Variants in RANBP17 observed in about 807,000 individuals in gnomAD.
RANBP17 encodes RAN binding protein 17, also known as ran-binding protein 17.
A neutral mutation model predicts 141.2 loss-of-function variants in RANBP17; 158 were observed. That is an observed-to-expected ratio of 1.12 (90% CI 0.98 to 1.28). RANBP17 has a LOEUF of 1.28. Ranked by LOEUF, RANBP17 falls within the 50% of genes most tolerant of loss-of-function variation. RANBP17 has a pLI of 0.00. For missense variants in RANBP17, 1,438 were observed against 1,290.7 expected, an observed-to-expected ratio of 1.11 and a Z score of -1.75; for synonymous variants, 430 against 450.0, an observed-to-expected ratio of 0.96 and a Z score of 0.56.
At chr5:171,046,473 G>T (rs1217728965) in intron 14 of RANBP17, among the ~76,000 whole-genome samples, 1 of 152,020 alleles carries the variant, frequency 6.6e-6, no homozygotes, top group Non-Finnish European at 1.5e-5. Flanking sequence ...CTCCCAAAGT[G>T]CTGGGATTAC....
chr5:171,134,823 G>A (rs1009043870), intron 14 of RANBP17, among the ~76,000 whole-genome samples: 2 of 152,134 alleles, frequency 1.3e-5, no homozygotes, highest in African/African-American at 4.8e-5. Context: ...AGGGGAGGCT[G>A]AGGCTGGAGA....
chr5:170,904,202 C>A, intron 5 of RANBP17: 1 of 281,824 alleles, frequency 3.5e-6, no homozygotes, highest in South Asian at 5.1e-5. Context: ...TCCTGTGGAC[C>A]ATTTTTATTC....
chr5:170,994,954 T>C (rs1242534168), intron 14 of RANBP17, among the ~76,000 whole-genome samples: 1 of 152,084 alleles, frequency 6.6e-6, no homozygotes, highest in East Asian at 1.9e-4. Flanking sequence ...TAAATGTTGA[T>C]AATATTTAGA....
At chr5:171,044,490 A>G (rs1561586782) in intron 14 of RANBP17, among the ~76,000 whole-genome samples, 2 of 152,002 alleles carry the variant, frequency 1.3e-5, no homozygotes, top group East Asian at 3.9e-4. Context: ...TAAATTTTGT[A>G]GAGAATTTTA....
At chr5:171,184,342 G>A (rs531659729) in intron 18 of RANBP17, among the ~76,000 whole-genome samples, 1 of 152,350 alleles carries the variant, frequency 6.6e-6, no homozygotes, top group East Asian at 1.9e-4. Context: ...CAGTGTGGAT[G>A]AACCTGGAGG....
chr5:171,094,460 C>CATT (rs1181954834), intron 14 of RANBP17, among the ~76,000 whole-genome samples: 2 of 152,138 alleles, frequency 1.3e-5, no homozygotes, highest in African/African-American at 4.8e-5. Context: ...TAATTTTTCT[C>CATT]ATTATTATCA....
intron 22 of RANBP17, among the ~76,000 whole-genome samples, chr5:171,230,248 C>T (rs1561783849): frequency 6.6e-6 from 1 of 151,804 alleles, no homozygotes; most frequent in African/African-American, 2.4e-5. Context: ...TTAGAGAAGG[C>T]AATATTTCTT....
At chr5:171,041,054 A>T (rs1195484222) in intron 14 of RANBP17, among the ~76,000 whole-genome samples, 2 of 152,050 alleles carry the variant, frequency 1.3e-5, no homozygotes, top group Non-Finnish European at 2.9e-5. Context: ...CGTAACTGTT[A>T]ACAGAAGGCC....
chr5:170,928,524 A>C (rs1276270945), intron 12 of RANBP17, among the ~76,000 whole-genome samples: 1 of 152,046 alleles, frequency 6.6e-6, no homozygotes, highest in African/African-American at 2.4e-5. Flanking sequence ...TTGTGAGTTA[A>C]GGGTCAAGGC....
chr5:170,903,941 A>G (rs557131036), intron 5 of RANBP17: 3 of 524,050 alleles, frequency 5.7e-6, no homozygotes, highest in Non-Finnish European at 1.1e-5. Flanking sequence ...ATCTTGTATC[A>G]AGCCTAACAC....
chr5:171,265,814 T>C lies in RANBP17; in HGVS notation c.2910T>C (p.His970=), dbSNP rs139687157. ...EATQAGQRLL[H]FMQQNPDVLQ... ...CCCAGGCTGGTCAGAGACTATTACA[T>C]TTTATGCAGCAAAACCCAGATGTCC... Residue 970 remains histidine, a synonymous_variant, in exon 25 of 28, where the codon CAT becomes CAC. Transcript: ENST00000523189. The C allele has an allele frequency of 1.9e-6, 3 of 1,613,648 alleles. No homozygotes were observed. The African/African-American group carries it at 4.0e-5, about 22-fold the overall frequency.
chr5:170,885,199 CTT>C (rs1392324535), intron 3 of RANBP17, among the ~76,000 whole-genome samples: 2 of 152,150 alleles, frequency 1.3e-5, no homozygotes, highest in Non-Finnish European at 2.9e-5. Context: ...ATGTCTATGA[CTT>C]TTACTCGAAG....
intron 14 of RANBP17, among the ~76,000 whole-genome samples, chr5:171,044,393 T>G (rs1782439664): frequency 6.6e-6 from 1 of 152,016 alleles, no homozygotes; most frequent in Non-Finnish European, 1.5e-5. Context: ...ATTTTTTATG[T>G]TGGAAACTTA....
intron 9 of RANBP17, among the ~76,000 whole-genome samples, chr5:170,916,983 T>G (rs1772030918): frequency 6.6e-6 from 1 of 152,310 alleles, no homozygotes; most frequent in Non-Finnish European, 1.5e-5. Flanking sequence ...CCCAAAGTGC[T>G]GGGATTACAG....
chr5:170,940,676 T>C (rs1224002688), intron 12 of RANBP17, among the ~76,000 whole-genome samples: 2 of 152,156 alleles, frequency 1.3e-5, no homozygotes, highest in Non-Finnish European at 2.9e-5. Flanking sequence ...CACTTCTTAA[T>C]TGTTGGCATA....
chr5:170,972,204 G>T (rs1777039130), intron 14 of RANBP17, among the ~76,000 whole-genome samples: 2 of 140,738 alleles, frequency 1.4e-5, no homozygotes, highest in Non-Finnish European at 1.5e-5. Flanking sequence ...TTTTTGAGGT[G>T]GAGTTTCGCT....
At chr5:171,233,244 ATAAGGGGGCATC>A (rs772723545) in intron 22 of RANBP17, among the ~76,000 whole-genome samples, 11 of 152,304 alleles carry the variant, frequency 7.2e-5, no homozygotes, top group South Asian at 2.1e-4. Context: ...ATAGATTAGG[ATAAGGGGGCATC>A]TAAGTCCCAG....
At position 170,909,680 on chromosome 5, in the gene RANBP17, C is replaced by T; in HGVS notation, c.509C>T (p.Ser170Leu). 2 of 1,566,478 alleles carry T rather than the reference C, an allele frequency of 1.3e-6. No individual in the cohort carries two copies. Among genetic ancestry groups the T allele is most frequent in the Non-Finnish European group, 1.7e-6 (2 of 1,146,936 alleles). ...EMNLVDYSRPSAKHRKIATSF... is the reference protein window; with the variant it reads ...EMNLVDYSRPLAKHRKIATSF... ...TTTTAGGTTGATTATTCTAGACCTTCAGCAAAACACAGGAAAATAGCTACC... is the reference window on the plus strand; with the variant it reads ...TTTTAGGTTGATTATTCTAGACCTTTAGCAAAACACAGGAAAATAGCTACC... Residue 170 changes from serine (S) to leucine (L), a missense_variant, in exon 6 of 28, where the codon TCA (serine) becomes TTA (leucine). Coordinates refer to ENST00000523189, the MANE Select transcript of RANBP17 (RefSeq NM_022897.5).
In RANBP17 at chr5:170,996,203, G is replaced by T. The variant is rs1778806227; in HGVS notation, c.1710+27826G>T. ...AGTCTGAGAAAGAGAATGCTTGAGG[G>T]ACCCTCTCCTTCCTCACGGTTATTA... is the stretch of plus-strand genomic sequence containing the variant. On this transcript the variant is annotated intron_variant, in intron 14 of 27. Coordinates refer to ENST00000523189, the MANE Select transcript of RANBP17 (RefSeq NM_022897.5). Among the ~76,000 whole-genome samples, 4 of 152,264 alleles carry T rather than the reference G, an allele frequency of 2.6e-5. No individual in the cohort carries two copies. The South Asian group carries it at 8.3e-4, about 32-fold the overall frequency.
Sources: gnomAD v4.1 joint callset for allele counts (sites outside exome capture counted in the v4.1 genomes callset) on GRCh38, gnomAD v4.1.1 for gene constraint, MANE v1.5 for transcripts, NCBI Gene and HGNC (gene_info 2026-07-23, HGNC 2026-07-21) for gene names.